The following MATN2 variants were observed in gnomAD, a reference collection of about 807,000 sequenced individuals.
MATN2 encodes the protein matrilin-2.
A neutral mutation model predicts 103.2 loss-of-function variants in MATN2; 69 were observed. The observed-to-expected ratio is 0.67, with a 90% confidence interval of 0.55 to 0.82. The LOEUF (loss-of-function observed/expected upper bound fraction) is 0.82, where lower values mean the gene tolerates loss of function less well. Ranked by LOEUF, MATN2 falls within the 40% of genes least tolerant of loss-of-function variation. The pLI is 0.00. For synonymous variants in MATN2, 429 were observed against 450.2 expected (o/e 0.95, Z 0.60); for missense variants, 1,023 against 1,211.5 (o/e 0.84, Z 2.31).
intron 3 of MATN2, among the ~76,000 whole-genome samples, chr8:97,938,715 AG>A (rs1810459340): frequency 6.6e-6 from 1 of 152,222 alleles, no homozygotes; most frequent in African/African-American, 2.4e-5. Flanking sequence ...TGTTTTATAA[AG>A]TCACTGCAAA....
chr8:97,905,625 T>C (rs1052009369), intron 2 of MATN2, among the ~76,000 whole-genome samples: 1 of 152,174 alleles, frequency 6.6e-6, no homozygotes, highest in African/African-American at 2.4e-5. Context: ...CACAGGTTGT[T>C]TTCACCTTTG....
chr8:97,880,694 G>T lies in MATN2; in HGVS notation c.-26-7381G>T, dbSNP rs186885627. Reference sequence around the variant, plus strand: ...GTCCTTTGGATGTTAATCCGACTGGGCTGATGCACACCTAAATAATAAATA... The same window carrying T: ...GTCCTTTGGATGTTAATCCGACTGGTCTGATGCACACCTAAATAATAAATA... On this transcript the variant is annotated intron_variant, in intron 1 of 18. Coordinates refer to ENST00000254898, the MANE Select transcript of MATN2 (RefSeq NM_002380.5). Among the ~76,000 whole-genome samples, 581 of 152,232 alleles carry T rather than the reference G, an allele frequency of 3.8e-3. 2 individuals carry two copies. The highest frequency in any genetic ancestry group is 0.013 in the African/African-American group (538 of 41,530).
rs141223220 is a variant in MATN2, at chr8:97,877,433, C to T, written c.-27+8146C>T. On this transcript the variant is annotated intron_variant, in intron 1 of 18. Transcript: ENST00000254898. ...CGGAGGTTGCAGTGAGTCGAGATCG[C>T]GCCATTGCATTCCAGCCTGAGCAAC... Among the ~76,000 whole-genome samples the T allele has an allele frequency of 4.8e-3, 730 of 151,754 alleles. 8 individuals are homozygous for T. Among genetic ancestry groups the T allele is most frequent in the African/African-American group, 0.017 (695 of 41,376 alleles).
intron 6 of MATN2, among the ~76,000 whole-genome samples, chr8:97,992,745 C>CAAAAAAAAAAAAAAAAAAAAAAAAAAAA (rs58985201): frequency 2.0e-5 from 1 of 49,592 alleles, no homozygotes; most frequent in African/African-American, 9.1e-5. Flanking sequence ...GACTCCATCT[C>CAAAAAAAAAAAAAAAAAAAAAAAAAAAA]AAAAAAAAAA....
At chr8:97,972,338 C>CAAAAAA (rs3076713) in intron 5 of MATN2, among the ~76,000 whole-genome samples, 2 of 126,874 alleles carry the variant, frequency 1.6e-5, no homozygotes, top group Non-Finnish European at 3.2e-5. Context: ...GACCCTGTCT[C>CAAAAAA]AAAAAAAAAA....
Position 98,007,145 on chromosome 8 carries a change from G to A in MATN2, c.1368G>A (p.Gln456=). Reference sequence around the variant, plus strand: ...CACAGCAGGACCATGGCTGTGAGCAGCTGTGTCTGAACACGGAGGATTCCT... The same window carrying A: ...CACAGCAGGACCATGGCTGTGAGCAACTGTGTCTGAACACGGAGGATTCCT... The part of the protein sequence containing the change: ...HCAQQDHGCE[Q]LCLNTEDSFV... Residue 456 remains glutamine, a synonymous_variant, in exon 9 of 19, where the codon CAG becomes CAA. Transcript: ENST00000254898. The surrounding 1 kb of genome is among the most constrained non-coding windows in gnomAD (Gnocchi z 4.2). 1.2e-6 allele frequency: 2 copies of A among 1,613,176 alleles called. No individual in the cohort carries two copies. Among genetic ancestry groups the A allele is most frequent in the South Asian group, 2.2e-5 (2 of 90,854 alleles).
chr8:97,957,356 C>T (rs186892495), intron 4 of MATN2, among the ~76,000 whole-genome samples: 1 of 152,320 alleles, frequency 6.6e-6, no homozygotes, highest in African/African-American at 2.4e-5. Context: ...GTATTTGTTT[C>T]AAAAGGAAAT....
intron 8 of MATN2, chr8:98,004,322 A>C (rs550697331): frequency 6.0e-6 from 1 of 167,036 alleles, no homozygotes; most frequent in East Asian, 1.5e-4. Context: ...TAAAATACTT[A>C]GAACAGCACT....
chr8:97,882,111 A>G (rs1356815235), intron 1 of MATN2, among the ~76,000 whole-genome samples: 4 of 149,798 alleles, frequency 2.7e-5, no homozygotes, highest in African/African-American at 7.3e-5. Flanking sequence ...TTTAGTAGAG[A>G]CGGGGTTTCA....
chr8:98,033,031 T>C lies in MATN2; in HGVS notation c.2582-11T>C. On this transcript the variant is annotated splice_polypyrimidine_tract_variant and intron_variant, in intron 16 of 18. Transcript: ENST00000254898. ...AAGCAGGTTTGATTGCAGTTTTCTT[T>C]CTCTTTACAGAATCTGAGCCAGTCA... 1 of 1,597,140 alleles carries C rather than the reference T, an allele frequency of 6.3e-7. No homozygotes were observed. Among genetic ancestry groups the C allele is most frequent in the South Asian group, 1.1e-5 (1 of 87,032 alleles).
chr8:98,001,685 C>G (rs1349366070), intron 7 of MATN2, among the ~76,000 whole-genome samples: 2 of 152,042 alleles, frequency 1.3e-5, no homozygotes, highest in African/African-American at 4.8e-5. Context: ...ACCATGTTAG[C>G]CAGGCTGGTC....
chr8:97,953,434 A>G (rs956410649), intron 4 of MATN2, among the ~76,000 whole-genome samples: 1 of 152,190 alleles, frequency 6.6e-6, no homozygotes, highest in Non-Finnish European at 1.5e-5. Context: ...TGAGCTCATG[A>G]GTTCAAGACC....
At position 97,931,491 on chromosome 8, in the gene MATN2, G is replaced by A. The variant is rs761033281; in HGVS notation, c.681G>A (p.Thr227=). ...FLVANFSQIE[T]LTSVFQKKLC... ...TGGCCAATTTCAGCCAGATTGAGAC[G>A]CTGACCTCCGTGTTCCAGAAGAAGT... is the stretch of plus-strand genomic sequence containing the variant. The change falls in exon 3 of 19, where the codon ACG becomes ACA. Residue 227 remains threonine, a synonymous_variant. Coordinates refer to ENST00000254898, the MANE Select transcript of MATN2 (RefSeq NM_002380.5). The surrounding 1 kb of genome is among the most constrained non-coding windows in gnomAD (Gnocchi z 4.1). The A allele has an allele frequency of 2.1e-5, 34 of 1,611,510 alleles. No homozygotes were observed. The highest frequency in any genetic ancestry group is 2.5e-5 in the Non-Finnish European group (30 of 1,178,982).
chr8:97,906,864 C>T (rs926575761), intron 2 of MATN2, among the ~76,000 whole-genome samples: 2 of 152,160 alleles, frequency 1.3e-5, no homozygotes, highest in East Asian at 3.9e-4. Flanking sequence ...TTGTGGGGAC[C>T]CTCTATTTCC....
At chr8:98,015,656 C>A (rs1285483468) in intron 10 of MATN2, among the ~76,000 whole-genome samples, 1 of 152,242 alleles carries the variant, frequency 6.6e-6, no homozygotes, top group Non-Finnish European at 1.5e-5. Flanking sequence ...TCCCTACTCT[C>A]CAGCCCAGTA....
rs558733259 is a variant in MATN2, at chr8:97,898,679, A to G, written c.142+10437A>G. ...GTAGGCAGCTCACACTTCACTCTGC[A>G]TGTACTATTATCCCTTAAATGTCTC... is the stretch of plus-strand genomic sequence containing the variant. On this transcript the variant is annotated intron_variant, in intron 2 of 18. Transcript: ENST00000254898. Among the ~76,000 whole-genome samples the G allele has an allele frequency of 2.0e-5, 3 of 152,090 alleles. No individual in the cohort carries two copies. The South Asian group carries it at 6.2e-4, about 32-fold the overall frequency.
At chr8:97,903,398 C>T (rs1819056139) in intron 2 of MATN2, among the ~76,000 whole-genome samples, 1 of 152,182 alleles carries the variant, frequency 6.6e-6, no homozygotes, top group Non-Finnish European at 1.5e-5. Flanking sequence ...GGCTCTTCCT[C>T]ACAGACATTG....
chr8:98,032,906 TC>T lies in MATN2; in HGVS notation c.2582-135del, dbSNP rs1288459266. On this transcript the variant is annotated intron_variant, in intron 16 of 18. Coordinates refer to ENST00000254898, the MANE Select transcript of MATN2 (RefSeq NM_002380.5). The stretch of plus-strand genomic sequence containing the variant: ...ATGTTTACTCCACTGAAGATAACAG[TC>T]TTTTTGCTTCAGTATGTCCCAAAGT... The T allele has an allele frequency of 5.1e-5, 33 of 643,300 alleles. 1 individual carries two copies. The highest frequency in any genetic ancestry group is 5.0e-4 in the South Asian group (13 of 25,996). The allele number at this position is 643,300 out of a possible 1,614,324, so 39.8% of individuals were successfully genotyped here. A position where few individuals can be genotyped will look rare whatever the true frequency, so the allele number is the denominator to read the frequency against.
At chr8:97,995,845 A>G (rs1812566816) in intron 7 of MATN2, among the ~76,000 whole-genome samples, 1 of 152,210 alleles carries the variant, frequency 6.6e-6, no homozygotes, top group Non-Finnish European at 1.5e-5. Context: ...TGAGGGTACA[A>G]ACCCTGCACA....
Sources: allele counts gnomAD v4.1 joint callset (sites outside exome capture counted in the v4.1 genomes callset), GRCh38; gene constraint gnomAD v4.1.1; non-coding constraint Gnocchi (gnomAD v3.1); transcripts MANE v1.5; gene names NCBI Gene and HGNC (gene_info 2026-07-23, HGNC 2026-07-21).